Variants in AFG1L observed in about 807,000 individuals in gnomAD.
The protein encoded by AFG1L is AFG1 like ATPase.
AFG1L carries 53 observed loss-of-function variants against 62.2 expected under a neutral mutation model. The ratio of observed to expected loss-of-function variants is 0.85; its 90% confidence interval spans 0.68 to 1.07. AFG1L has a LOEUF of 1.07. AFG1L is among the 50% of genes least tolerant of loss of function. The pLI, the probability that AFG1L is intolerant of heterozygous loss-of-function variation, is 0.00. For missense variants in AFG1L, 555 were observed against 590.5 expected, an observed-to-expected ratio of 0.94 and a Z score of 0.62; for synonymous variants, 228 against 210.3, an observed-to-expected ratio of 1.08 and a Z score of -0.73.
intron 7 of AFG1L, among the ~76,000 whole-genome samples, chr6:108,424,132 G>C (rs1582565566): frequency 6.6e-6 from 1 of 152,012 alleles, no homozygotes; most frequent in South Asian, 2.1e-4. Context: ...TCAATGGGAT[G>C]AGAAGGCAAT....
chr6:108,514,632 A>C (rs1235074408), intron 11 of AFG1L, among the ~76,000 whole-genome samples: 1 of 152,252 alleles, frequency 6.6e-6, no homozygotes, highest in Non-Finnish European at 1.5e-5. Flanking sequence ...GACAGGATCA[A>C]ATTCACACAT....
At chr6:108,300,475 A>G (rs1365553443) in intron 1 of AFG1L, among the ~76,000 whole-genome samples, 6 of 152,162 alleles carry the variant, frequency 3.9e-5, no homozygotes. Flanking sequence ...TAATGTGAGT[A>G]GAACTAACCC....
intron 10 of AFG1L, among the ~76,000 whole-genome samples, chr6:108,484,928 A>AT (rs926622737): frequency 9.9e-5 from 15 of 151,856 alleles, no homozygotes; most frequent in South Asian, 2.1e-4. Flanking sequence ...AAAGTTGTTG[A>AT]TTTTTTTTTA....
chr6:108,482,518 T>A (rs1773364808), intron 10 of AFG1L, among the ~76,000 whole-genome samples: 1 of 152,162 alleles, frequency 6.6e-6, no homozygotes, highest in Admixed American at 6.5e-5. Context: ...TAATATATTA[T>A]TATTAACTAA....
chr6:108,411,141 G>T (rs1326336214), intron 7 of AFG1L, among the ~76,000 whole-genome samples: 1 of 152,136 alleles, frequency 6.6e-6, no homozygotes, highest in East Asian at 1.9e-4. Context: ...AGGGTCCCAT[G>T]CCCATGGAGC....
At chr6:108,479,397 G>A (rs1325180597) in intron 10 of AFG1L, among the ~76,000 whole-genome samples, 1 of 152,090 alleles carries the variant, frequency 6.6e-6, no homozygotes, top group Non-Finnish European at 1.5e-5. Context: ...GCATGGACAG[G>A]TTTGCCCCTT....
At chr6:108,460,102 A>G (rs1163386861) in intron 8 of AFG1L, among the ~76,000 whole-genome samples, 2 of 152,186 alleles carry the variant, frequency 1.3e-5, no homozygotes, top group Non-Finnish European at 2.9e-5. Flanking sequence ...TAAAAAATGC[A>G]AATACTACAG....
chr6:108,326,686 G>T (rs763127269), intron 2 of AFG1L, among the ~76,000 whole-genome samples: 1 of 152,128 alleles, frequency 6.6e-6, no homozygotes, highest in African/African-American at 2.4e-5. Context: ...GGGGCCAGAC[G>T]CAGTGGCTCA....
intron 7 of AFG1L, among the ~76,000 whole-genome samples, chr6:108,421,635 C>G (rs1052833576): frequency 3.3e-5 from 5 of 152,050 alleles, no homozygotes; most frequent in Admixed American, 6.6e-5. Flanking sequence ...CTGCACCCCC[C>G]CTGTCTGCTT....
chr6:108,389,348 C>T (rs1780939492), intron 6 of AFG1L, among the ~76,000 whole-genome samples: 1 of 152,064 alleles, frequency 6.6e-6, no homozygotes, highest in Non-Finnish European at 1.5e-5. Flanking sequence ...CAGTCTGTGT[C>T]TTTTAATTGG....
At chr6:108,445,462 G>T (rs571317497) in intron 7 of AFG1L, among the ~76,000 whole-genome samples, 1 of 152,236 alleles carries the variant, frequency 6.6e-6, no homozygotes, top group East Asian at 1.9e-4. Context: ...GTTTTTGTCT[G>T]TTGTGGCTTT....
At chr6:108,471,330 T>C (rs910141645) in intron 8 of AFG1L, among the ~76,000 whole-genome samples, 2 of 152,174 alleles carry the variant, frequency 1.3e-5, no homozygotes, top group African/African-American at 4.8e-5. Context: ...CCTGATCATT[T>C]TTCTTGGACT....
chr6:108,440,356 A>C (rs1205754485), intron 7 of AFG1L, among the ~76,000 whole-genome samples: 1 of 151,572 alleles, frequency 6.6e-6, no homozygotes, highest in African/African-American at 2.4e-5. Flanking sequence ...TTTAGTAGAG[A>C]TGGGGTTTCA....
chr6:108,399,673 CTTTTTT>C lies in AFG1L; in HGVS notation c.749-2309_749-2304del, dbSNP rs1215452077. 3.5e-5 allele frequency among the ~76,000 whole-genome samples: 3 copies of C among 84,870 alleles called. No homozygotes were observed. The South Asian group carries it at 1.0e-3, about 30-fold the overall frequency. The allele number at this position is 84,870 out of a possible 152,430, so 55.7% of individuals were successfully genotyped here. A position where few individuals can be genotyped will look rare whatever the true frequency, so the allele number is the denominator to read the frequency against. Reference sequence around the variant, plus strand: ...TTGTTTATCAGTTCTAATAGTTTTCCTTTTTTTTTTTTTTTTTTTAAAATACTGGGC... The same window carrying C: ...TTGTTTATCAGTTCTAATAGTTTTCCTTTTTTTTTTTTTAAAATACTGGGC... On this transcript the variant is annotated intron_variant, in intron 6 of 12. Transcript: ENST00000368977.
intron 3 of AFG1L, among the ~76,000 whole-genome samples, chr6:108,347,451 G>A (rs762855720): frequency 1.3e-5 from 2 of 152,040 alleles, no homozygotes; most frequent in Non-Finnish European, 2.9e-5. Flanking sequence ...TAAGCCCTTG[G>A]ATGAATAATT....
At chr6:108,443,927 A>G (rs1315431242) in intron 7 of AFG1L, among the ~76,000 whole-genome samples, 1 of 152,132 alleles carries the variant, frequency 6.6e-6, no homozygotes, top group Admixed American at 6.5e-5. Flanking sequence ...TTGTTAAAAT[A>G]TATTTTTCCC....
At chr6:108,401,306 CTA>C (rs1781599797) in intron 6 of AFG1L, among the ~76,000 whole-genome samples, 1 of 151,644 alleles carries the variant, frequency 6.6e-6, no homozygotes, top group African/African-American at 2.4e-5. Flanking sequence ...CCGCGCCCGG[CTA>C]ATTTTTTGTA....
intron 10 of AFG1L, among the ~76,000 whole-genome samples, chr6:108,488,204 T>G (rs906210983): frequency 2.6e-5 from 4 of 152,222 alleles, no homozygotes; most frequent in African/African-American, 9.6e-5. Flanking sequence ...CAAATATTTA[T>G]AGAGTACTTA....
At chr6:108,404,363 C>T (rs1370291577) in intron 7 of AFG1L, among the ~76,000 whole-genome samples, 3 of 152,082 alleles carry the variant, frequency 2.0e-5, no homozygotes, top group Admixed American at 2.0e-4. Context: ...GTTTGTAATT[C>T]ACCACAGAAG....
Sources: gnomAD v4.1 joint callset for allele counts (sites outside exome capture counted in the v4.1 genomes callset) on GRCh38, gnomAD v4.1.1 for gene constraint, MANE v1.5 for transcripts, NCBI Gene and HGNC (gene_info 2026-07-23, HGNC 2026-07-21) for gene names.